Variants in ABCC12 observed in about 807,000 individuals in gnomAD.
The protein encoded by ABCC12 is ATP binding cassette subfamily C member 12.
ABCC12 carries 142 observed loss-of-function variants against 151.1 expected under a neutral mutation model. That is an observed-to-expected ratio of 0.94 (90% confidence interval 0.82 to 1.08). ABCC12 has a LOEUF of 1.08. ABCC12 is among the 50% of genes least tolerant of loss of function. The pLI, the probability that ABCC12 is intolerant of heterozygous loss-of-function variation, is 0.00. For missense variants in ABCC12, 1,638 were observed against 1,691.1 expected (o/e 0.97, Z 0.55); for synonymous variants, 645 against 646.4 (o/e 1.00, Z 0.03).
At chr16:48,083,842 T>C in intron 30 of ABCC12, 41 bp from the exon 31 acceptor site, 4 of 1,614,048 alleles carry the variant, frequency 2.5e-6, no homozygotes, top group Non-Finnish European at 3.4e-6. Flanking sequence ...TCGGAAAATA[T>C]CTACCCACTG....
chr16:48,117,307 C>T lies in ABCC12; in HGVS notation c.1739G>A (p.Gly580Asp), dbSNP rs760961668. 1 of 1,613,876 alleles carries T rather than the reference C, an allele frequency of 6.2e-7. No individual in the cohort carries two copies. Among genetic ancestry groups the T allele is most frequent in the South Asian group, 1.1e-5 (1 of 91,012 alleles). ...GAGGTTGCTCAGGTCCTTCTGGAGGCCACAGACGCGGACTGTGTGCTGATA... is the reference window on the plus strand; with the variant it reads ...GAGGTTGCTCAGGTCCTTCTGGAGGTCACAGACGCGGACTGTGTGCTGATA... ...QRYQHTVRVC[G>D]LQKDLSNLPY... is the part of the protein sequence containing the mutation. Residue 580 changes from glycine (G) to aspartate (D), a missense_variant, in exon 14 of 31, where the codon GGC becomes GAC. By Grantham distance (94) the Gly-to-Asp change is moderately conservative (BLOSUM62 -1). Transcript: ENST00000311303.
At chr16:48,092,622 T>C (rs905769610) in intron 24 of ABCC12, among the ~76,000 whole-genome samples, 1 of 152,034 alleles carries the variant, frequency 6.6e-6, no homozygotes, top group Non-Finnish European at 1.5e-5. Flanking sequence ...CAGGTACTGG[T>C]TGGGGTGCCG....
intron 9 of ABCC12, 56 bp downstream of exon 9, chr16:48,133,631 C>A (rs1222352411): frequency 1.1e-5 from 17 of 1,594,236 alleles, no homozygotes; most frequent in Non-Finnish European, 1.4e-5. Flanking sequence ...GGCTTCCCAC[C>A]TGGGACTTGC....
rs1469398044 is a variant in ABCC12 at position 48,105,378 on chromosome 16, C to A, written c.2476-42G>T. 3 of 1,547,340 alleles carry A rather than the reference C, an allele frequency of 1.9e-6. No individual in the cohort carries two copies. In the Admixed American group the frequency reaches 5.8e-5, roughly 30 times the overall value. ...GAGAAGCACCAAGAATTGATAAATT[C>A]CTGCCAGGAGAACAGGAATTTTCCG... On this transcript the variant is annotated intron_variant, in intron 20 of 30. Transcript: ENST00000311303.
At position 48,111,803 on chromosome 16, in the gene ABCC12, A is replaced by G. The variant is rs763943607; in HGVS notation, c.2097T>C (p.Ile699=). 3.7e-6 allele frequency: 6 copies of G among 1,614,108 alleles called. No individual in the cohort carries two copies. In the South Asian group the frequency reaches 6.6e-5, roughly 18 times the overall value. Residue 699 remains isoleucine (I), a synonymous_variant, in exon 16 of 31, where the codon ATT becomes ATC. Coordinates refer to ENST00000311303, the MANE Select transcript of ABCC12 (RefSeq NM_001393797.1). Reference sequence around the variant, plus strand: ...TGAACTGCAATCCTCGCAGGTTGTGAATCAGTTTTGCATAGCGCCCTCTCT... The same window carrying G: ...TGAACTGCAATCCTCGCAGGTTGTGGATCAGTTTTGCATAGCGCCCTCTCT... ...MEERGRYAKL[I]HNLRGLQFKD...
intron 19 of ABCC12, among the ~76,000 whole-genome samples, chr16:48,108,104 G>A (rs1157234169): frequency 2.0e-5 from 3 of 152,158 alleles, no homozygotes; most frequent in South Asian, 2.1e-4. Flanking sequence ...GGCATGTTTT[G>A]CACACTGAGA....
chr16:48,100,869 C>A lies in ABCC12; in HGVS notation c.3038+3G>T. 1.2e-6 allele frequency: 2 copies of A among 1,613,860 alleles called. No individual in the cohort carries two copies. The highest frequency in any genetic ancestry group is 1.7e-6 in the Non-Finnish European group (2 of 1,179,860). ...CTGGGGCAGGGCCCCACATGGGACT[C>A]ACTAGGTGATGCAGCTCTCCTTCTT... On this transcript the variant is annotated splice_donor_region_variant and intron_variant, in intron 23 of 30. Transcript: ENST00000311303.
chr16:48,135,037 G>C (rs1379605346), intron 8 of ABCC12, among the ~76,000 whole-genome samples: 1 of 146,910 alleles, frequency 6.8e-6, no homozygotes, highest in Non-Finnish European at 1.5e-5. Flanking sequence ...GGGCGAGAGC[G>C]AGACTCTGTC....
intron 22 of ABCC12, 86 bp from the exon 23 acceptor site, chr16:48,101,095 C>T (rs534363642): frequency 6.7e-7 from 1 of 1,483,624 alleles, no homozygotes; most frequent in Admixed American, 2.0e-5. Flanking sequence ...CAACTAGGCA[C>T]TCAGCACAGT....
rs751898773 is a variant in ABCC12, at chr16:48,088,712, T to C, written c.3308A>G (p.His1103Arg). ...YISTCVPECT[H>R]PLKVGTCPKD... is the part of the protein sequence containing the mutation. Reference sequence around the variant, plus strand: ...GGGACAGGTCCCCACTTTGAGGGGATGAGTGCATTCAGGAACACAGGTCTG... The same window carrying C: ...GGGACAGGTCCCCACTTTGAGGGGACGAGTGCATTCAGGAACACAGGTCTG... Residue 1103 changes from histidine (H) to arginine (R), a missense_variant, in exon 26 of 31, where the codon CAT becomes CGT. His to Arg is a conservative substitution (Grantham distance 29). Transcript: ENST00000311303. 6.2e-7 allele frequency: 1 copy of C among 1,613,792 alleles called. No individual in the cohort carries two copies. Among genetic ancestry groups the C allele is most frequent in the Non-Finnish European group, 8.5e-7 (1 of 1,179,788 alleles).
intron 2 of ABCC12, among the ~76,000 whole-genome samples, chr16:48,149,517 T>C (rs1965089908): frequency 6.6e-6 from 1 of 152,198 alleles, no homozygotes; most frequent in Non-Finnish European, 1.5e-5. Flanking sequence ...GAAAAAGGAA[T>C]ACCATGTTAA....
intron 22 of ABCC12, among the ~76,000 whole-genome samples, chr16:48,103,018 C>T (rs1963361134): frequency 6.6e-6 from 1 of 152,206 alleles, no homozygotes; most frequent in Non-Finnish European, 1.5e-5. Flanking sequence ...GGGACTCCTG[C>T]TCTATAGTCT....
At chr16:48,139,669 C>A (rs530923902) in intron 6 of ABCC12, among the ~76,000 whole-genome samples, 1 of 152,160 alleles carries the variant, frequency 6.6e-6, no homozygotes, top group Non-Finnish European at 1.5e-5. Flanking sequence ...CCGCTTCTTT[C>A]GGGAAGAGAT....
At position 48,100,897 on chromosome 16, in the gene ABCC12, C is replaced by T. The variant is rs1304982372; in HGVS notation, c.3013G>A (p.Gly1005Ser). Residue 1005 changes from glycine to serine, a missense_variant, in exon 23 of 31, where the codon GGC becomes AGC. Gly to Ser is a moderately conservative substitution (Grantham distance 56, BLOSUM62 0). Transcript: ENST00000311303. Reference sequence around the variant, plus strand: ...TAGGTGATGCAGCTCTCCTTCTTGCCATAGGCGTGAATGATGCCCAGGCCC... The same window carrying T: ...TAGGTGATGCAGCTCTCCTTCTTGCTATAGGCGTGAATGATGCCCAGGCCC... ...MQGLGIIHAY[G>S]KKESCITYHL... The T allele has an allele frequency of 1.2e-6, 2 of 1,614,144 alleles. No homozygotes were observed. The highest frequency in any genetic ancestry group is 1.7e-5 in the Admixed American group (1 of 60,026).
At chr16:48,101,926 T>C (rs558068750) in intron 22 of ABCC12, among the ~76,000 whole-genome samples, 6 of 152,310 alleles carry the variant, frequency 3.9e-5, no homozygotes, top group Non-Finnish European at 8.8e-5. Flanking sequence ...CAGAAATTAT[T>C]TGTATTTGGT....
intron 13 of ABCC12, 50 bp downstream of exon 13, chr16:48,121,666 G>T: frequency 6.2e-7 from 1 of 1,608,736 alleles, no homozygotes; most frequent in Non-Finnish European, 8.5e-7. Flanking sequence ...ATCTGTAGGA[G>T]AGTGTGTACC....
At chr16:48,091,566 C>G (rs1264005666) in intron 24 of ABCC12, among the ~76,000 whole-genome samples, 2 of 152,200 alleles carry the variant, frequency 1.3e-5, no homozygotes, top group Non-Finnish European at 2.9e-5. Flanking sequence ...TTGCTGCCAC[C>G]TGGCAGGGTC....
Position 48,126,286 on chromosome 16 carries a change from C to G in ABCC12, c.1516-2002G>C, listed in dbSNP as rs1005221299. On this transcript the variant is annotated intron_variant, in intron 11 of 30. Coordinates refer to ENST00000311303, the MANE Select transcript of ABCC12 (RefSeq NM_001393797.1). ...CCACTTCTTGGGGCCAAGTAAGAAG[C>G]CTTCTAGATTCATCCTTGTCTTTAG... Among the ~76,000 whole-genome samples, 17 of 152,298 alleles carry G rather than the reference C, an allele frequency of 1.1e-4. No individual in the cohort carries two copies. In the South Asian group the frequency reaches 2.7e-3, roughly 24 times the overall value.
intron 2 of ABCC12, among the ~76,000 whole-genome samples, chr16:48,147,538 C>T (rs1965041936): frequency 6.6e-6 from 1 of 152,148 alleles, no homozygotes; most frequent in South Asian, 2.1e-4. Context: ...AAAACCATGG[C>T]ATGGCAGAGC....
Sources: gnomAD v4.1 joint callset for allele counts (sites outside exome capture counted in the v4.1 genomes callset) on GRCh38, gnomAD v4.1.1 for gene constraint, MANE v1.5 for transcripts, NCBI Gene and HGNC (gene_info 2026-07-23, HGNC 2026-07-21) for gene names.